Variants in ABCB5 observed in about 807,000 individuals in gnomAD.
ABCB5 encodes the protein ATP-binding cassette sub-family B member 5.
Under a neutral mutation model 144.2 loss-of-function variants are expected in ABCB5, and 155 were observed. That is an observed-to-expected ratio of 1.08 (90% CI 0.94 to 1.23). ABCB5 has a LOEUF of 1.23. Ranked by LOEUF, ABCB5 falls within the 50% of genes most tolerant of loss-of-function variation. The pLI is 0.00. For missense variants in ABCB5, 1,830 were observed against 1,520.8 expected, an observed-to-expected ratio of 1.20 and a Z score of -3.38; for synonymous variants, 610 against 528.6, an observed-to-expected ratio of 1.15 and a Z score of -2.11.
chr7:20,628,631 G>T, intron 3 of ABCB5, 57 bp from the exon 4 acceptor site: 1 of 1,557,586 alleles, frequency 6.4e-7, no homozygotes, highest in East Asian at 2.3e-5. Flanking sequence ...GTGTGTGTGT[G>T]CTTGGTGTGT....
At chr7:20,728,878 G>T (rs913319258) in intron 23 of ABCB5, among the ~76,000 whole-genome samples, 4 of 151,994 alleles carry the variant, frequency 2.6e-5, no homozygotes, top group East Asian at 1.9e-4. Flanking sequence ...ATGTGGAAAA[G>T]GTATGCTTGA....
chr7:20,699,827 G>A lies in ABCB5; in HGVS notation c.2157G>A (p.Met719Ile). Residue 719 changes from methionine to isoleucine, a missense_variant and splice_region_variant, in exon 18 of 28, where the codon ATG (methionine) becomes ATA (isoleucine). Met to Ile is a conservative substitution (Grantham distance 10). Transcript: ENST00000404938. ...GATAAAAATCTGTTCCTTTTCAGATGTTTGGAAATAATGATAAAACCACAT... is the reference window on the plus strand; with the variant it reads ...GATAAAAATCTGTTCCTTTTCAGATATTTGGAAATAATGATAAAACCACAT... ...FSIIFAKIIT[M>I]FGNNDKTTLK... 1 of 1,589,948 alleles carries A rather than the reference G, an allele frequency of 6.3e-7. No individual in the cohort carries two copies. The highest frequency in any genetic ancestry group is 8.6e-7 in the Non-Finnish European group (1 of 1,165,200).
chr7:20,728,783 G>A (rs1390895146), intron 23 of ABCB5, among the ~76,000 whole-genome samples: 1 of 152,076 alleles, frequency 6.6e-6, no homozygotes, highest in Non-Finnish European at 1.5e-5. Context: ...ATAAGTTGTG[G>A]AAATACATAA....
intron 26 of ABCB5, among the ~76,000 whole-genome samples, chr7:20,747,118 G>A (rs1782748186): frequency 6.6e-6 from 1 of 152,140 alleles, no homozygotes; most frequent in Non-Finnish European, 1.5e-5. Flanking sequence ...TATAAATATA[G>A]AGACACTGTG....
intron 18 of ABCB5, 31 bp from the exon 19 acceptor site, chr7:20,700,027 G>A (rs370909253): frequency 4.4e-6 from 7 of 1,607,272 alleles, no homozygotes; most frequent in Non-Finnish European, 4.3e-6. Context: ...CAAAGGAAAA[G>A]AACGTAGATT....
intron 23 of ABCB5, among the ~76,000 whole-genome samples, chr7:20,731,258 G>A (rs996221703): frequency 1.3e-5 from 2 of 150,638 alleles, no homozygotes; most frequent in African/African-American, 2.4e-5. Flanking sequence ...GGAGGTGAGG[G>A]ACAAGAATTG....
chr7:20,740,804 G>A (rs183587774), intron 24 of ABCB5, among the ~76,000 whole-genome samples: 5 of 151,914 alleles, frequency 3.3e-5, no homozygotes, highest in Non-Finnish European at 4.4e-5. Context: ...ATCACTCTAC[G>A]CTTTTAAAAA....
intron 1 of ABCB5, among the ~76,000 whole-genome samples, chr7:20,619,810 G>A (rs1000662955): frequency 6.6e-6 from 1 of 152,136 alleles, no homozygotes; most frequent in Non-Finnish European, 1.5e-5. Flanking sequence ...ATAGTTTCAG[G>A]TTTTACATTT....
intron 23 of ABCB5, among the ~76,000 whole-genome samples, chr7:20,735,132 A>T (rs1315905182): frequency 6.6e-6 from 1 of 152,200 alleles, no homozygotes; most frequent in African/African-American, 2.4e-5. Flanking sequence ...CATATAGGTA[A>T]GAAAGAATCA....
intron 23 of ABCB5, among the ~76,000 whole-genome samples, chr7:20,737,299 G>A (rs1782412961): frequency 6.6e-6 from 1 of 152,028 alleles, no homozygotes. Flanking sequence ...GTTTCTCTCA[G>A]CACTCACTCA....
At chr7:20,751,098 C>T (rs1782912355) in intron 26 of ABCB5, among the ~76,000 whole-genome samples, 1 of 152,146 alleles carries the variant, frequency 6.6e-6, no homozygotes, top group African/African-American at 2.4e-5. Flanking sequence ...CTGGTGTTCC[C>T]TCTGGGACAC....
intron 3 of ABCB5, among the ~76,000 whole-genome samples, chr7:20,627,441 A>G (rs1011661031): frequency 6.6e-6 from 1 of 152,190 alleles, no homozygotes; most frequent in African/African-American, 2.4e-5. Flanking sequence ...CCATTCATAA[A>G]ATATGCAGTA....
intron 21 of ABCB5, among the ~76,000 whole-genome samples, chr7:20,723,778 A>G (rs531243967): frequency 6.6e-6 from 1 of 152,306 alleles, no homozygotes; most frequent in Admixed American, 6.5e-5. Context: ...TTCAAAACAA[A>G]CAGGCAATGC....
chr7:20,656,912 CTTTT>C (rs749816471), intron 13 of ABCB5, among the ~76,000 whole-genome samples: 1 of 58,582 alleles, frequency 1.7e-5, no homozygotes, highest in Admixed American at 1.7e-4. Context: ...TTTCCTTTTT[CTTTT>C]TTTTTTTTTT....
At chr7:20,667,616 G>A (rs73684699) in intron 14 of ABCB5, 157,956 of 640,944 alleles carry the variant, frequency 0.25, 40,601 homozygotes, top group South Asian at 0.29. Flanking sequence ...ACATCACGTG[G>A]CTTCATGAAT....
Position 20,755,796 on chromosome 7 carries a change from G to A in ABCB5, c.*172G>A. On this transcript the variant is annotated 3_prime_UTR_variant, in exon 28 of 28. Transcript: ENST00000404938. ...CCATCTGACCTTCAGATTTTTAAAA[G>A]GAAGCAAAAATTTGCTTATTTCATG... The A allele has an allele frequency of 1.6e-6, 1 of 644,380 alleles. No homozygotes were observed. The highest frequency in any genetic ancestry group is 2.5e-6 in the Non-Finnish European group (1 of 396,774). The allele number at this position is 644,380 out of a possible 1,614,324, so 39.9% of individuals were successfully genotyped here.
chr7:20,690,253 TTAA>T (rs2128041199), intron 16 of ABCB5, among the ~76,000 whole-genome samples: 1 of 152,358 alleles, frequency 6.6e-6, no homozygotes, highest in South Asian at 2.1e-4. Flanking sequence ...CACAGAAATT[TTAA>T]TATAACATTG....
rs1785217680 is a variant in ABCB5, at chr7:20,666,966, A to C, written c.1707+8290A>C. The C allele has an allele frequency of 9.1e-6, 9 of 986,036 alleles. No individual in the cohort carries two copies. The East Asian group carries it at 2.7e-4, about 30-fold the overall frequency. 61.1% of individuals were successfully genotyped at this position (986,036 alleles called of 1,614,324 possible). On this transcript the variant is annotated intron_variant, in intron 14 of 27. Transcript: ENST00000404938. ...TCTGTGTTTTAAGTCTGAAGCAATT[A>C]CAGTTGAATATTTTGTTGTTGTTCA...
At chr7:20,750,105 T>G (rs965179647) in intron 26 of ABCB5, among the ~76,000 whole-genome samples, 2 of 152,154 alleles carry the variant, frequency 1.3e-5, no homozygotes, top group African/African-American at 2.4e-5. Context: ...GAATTACTCA[T>G]CTAGCAGCAA....
Sources: allele counts gnomAD v4.1 joint callset (sites outside exome capture counted in the v4.1 genomes callset), GRCh38; gene constraint gnomAD v4.1.1; transcripts MANE v1.5; gene names NCBI Gene and HGNC (gene_info 2026-07-23, HGNC 2026-07-21).